Variants in MBNL2 observed in about 807,000 individuals in gnomAD.
MBNL2 encodes the protein muscleblind-like protein 2.
MBNL2 carries 17 observed loss-of-function variants against 41.9 expected under a neutral mutation model. The observed-to-expected ratio is 0.41, with a 90% CI of 0.28 to 0.61. MBNL2 has a LOEUF of 0.61. Ranked by LOEUF, MBNL2 falls within the 20% of genes least tolerant of loss-of-function variation. MBNL2 has a pLI of 0.35. For missense variants in MBNL2, 336 were observed against 505.6 expected (o/e 0.66, Z 3.22); for synonymous variants, 195 against 182.9 (o/e 1.07, Z -0.53).
intron 1 of MBNL2, among the ~76,000 whole-genome samples, chr13:97,228,528 TC>T (rs1272574336): frequency 1.0e-4 from 10 of 95,764 alleles, no homozygotes; most frequent in African/African-American, 4.1e-4. Context: ...ATATTTATTA[TC>T]TTTTTTTTTT....
intron 2 of MBNL2, among the ~76,000 whole-genome samples, chr13:97,296,435 A>T (rs139104001): frequency 1.1e-3 from 162 of 152,302 alleles, no homozygotes; most frequent in African/African-American, 3.5e-3. Flanking sequence ...TGAAAGCTTT[A>T]TCAAGGTGCT....
chr13:97,241,067 T>C (rs962915260), intron 1 of MBNL2, among the ~76,000 whole-genome samples: 1 of 152,228 alleles, frequency 6.6e-6, no homozygotes, highest in Non-Finnish European at 1.5e-5. Flanking sequence ...CGTTCCATTC[T>C]AGCCCTCTGG....
At chr13:97,289,171 G>A (rs1271640753) in intron 2 of MBNL2, among the ~76,000 whole-genome samples, 1 of 149,216 alleles carries the variant, frequency 6.7e-6, no homozygotes, top group Non-Finnish European at 1.5e-5. Context: ...ACTGATGTGG[G>A]TGCTTAGGTA....
rs530689797 is a variant in MBNL2, at chr13:97,390,869, T to C, written c.1049-453T>C. ...AAAATGCAAGTTAATAGATAAATAA[T>C]ATCTGATTATTATAGATTTTGAAAT... On this transcript the variant is annotated intron_variant, in intron 8 of 8. Coordinates refer to ENST00000679496, the MANE Select transcript of MBNL2 (RefSeq NM_001382683.1). Among the ~76,000 whole-genome samples the C allele has an allele frequency of 1.5e-4, 23 of 152,290 alleles. No homozygotes were observed. The East Asian group carries it at 4.0e-3, about 27-fold the overall frequency.
intron 8 of MBNL2, among the ~76,000 whole-genome samples, chr13:97,381,867 T>C (rs1490616178): frequency 4.0e-5 from 6 of 151,868 alleles, no homozygotes; most frequent in Non-Finnish European, 8.8e-5. Context: ...ATGTAACATA[T>C]TGTCTGCATA....
the MBNL2 span, among the ~76,000 whole-genome samples, chr13:97,216,330 C>T: frequency 9.9e-5 from 15 of 151,942 alleles, no homozygotes; most frequent in African/African-American, 3.1e-4. Flanking sequence ...TTGTGGATGA[C>T]GAAAAGTACT....
At chr13:97,252,039 A>G (rs2046655238) in intron 1 of MBNL2, among the ~76,000 whole-genome samples, 1 of 148,358 alleles carries the variant, frequency 6.7e-6, no homozygotes, top group Admixed American at 6.7e-5. Flanking sequence ...TTTAGTAGAG[A>G]CGGGGTTTCA....
intron 8 of MBNL2, among the ~76,000 whole-genome samples, chr13:97,388,335 A>ATATATATATATATATATATATATATC (rs1566457218): frequency 6.7e-6 from 1 of 149,736 alleles, no homozygotes; most frequent in Non-Finnish European, 1.5e-5. Flanking sequence ...ATATATATAT[A>ATATATATATATATATATATATATATC]TCATTGGTAT....
At chr13:97,172,985 G>A in the MBNL2 span, 13 of 152,124 alleles carry the variant, frequency 8.5e-5, no homozygotes, top group African/African-American at 2.9e-4. Context: ...AAATTTCTGG[G>A]TATCATCAAA....
At chr13:97,336,362 A>G (rs2060882962) in intron 3 of MBNL2, among the ~76,000 whole-genome samples, 1 of 152,206 alleles carries the variant, frequency 6.6e-6, no homozygotes, top group Non-Finnish European at 1.5e-5. Flanking sequence ...TGGCTGAATA[A>G]TGGCTCTCGG....
At chr13:97,331,406 G>T (rs1261067236) in intron 2 of MBNL2, among the ~76,000 whole-genome samples, 1 of 152,092 alleles carries the variant, frequency 6.6e-6, no homozygotes, top group Non-Finnish European at 1.5e-5. Context: ...TCCTACCAAC[G>T]GATAGGTCCA....
At position 97,365,151 on chromosome 13, in the gene MBNL2, T is replaced by C. The variant is rs745692680; in HGVS notation, c.1028T>C (p.Met343Thr). 4 of 1,608,388 alleles carry C rather than the reference T, an allele frequency of 2.5e-6. No individual in the cohort carries two copies. Among genetic ancestry groups the C allele is most frequent in the Non-Finnish European group, 3.4e-6 (4 of 1,174,762 alleles). The stretch of plus-strand genomic sequence containing the variant: ...ATGACATCAGGGTCAGTTTTGTGCA[T>C]GACACCCGCTACCAGTATTGGTAGG... ...AFIPTGSVLC[M>T]TPATSIDNSE... Residue 343 changes from methionine to threonine, a missense_variant, in exon 8 of 9, where the codon ATG (methionine) becomes ACG (threonine). By Grantham distance (81) the Met-to-Thr change is moderately conservative. Transcript: ENST00000679496.
the MBNL2 span, among the ~76,000 whole-genome samples, chr13:97,166,832 AT>A: frequency 1.3e-3 from 204 of 151,302 alleles, no homozygotes; most frequent in African/African-American, 3.0e-3. Context: ...AGATAGATAG[AT>A]AGATAGAAAG....
intron 1 of MBNL2, among the ~76,000 whole-genome samples, chr13:97,227,041 A>T (rs867758336): frequency 6.2e-5 from 1 of 16,224 alleles, no homozygotes; most frequent in African/African-American, 3.7e-4. Context: ...GCAGAGTTAC[A>T]AAAAAAAAAA....
intron 1 of MBNL2, among the ~76,000 whole-genome samples, chr13:97,244,076 T>A (rs939059450): frequency 6.6e-6 from 1 of 152,188 alleles, no homozygotes; most frequent in Non-Finnish European, 1.5e-5. Flanking sequence ...AAAAAACAGA[T>A]TCATCTCATG....
chr13:97,290,942 A>G (rs2055819570), intron 2 of MBNL2, among the ~76,000 whole-genome samples: 1 of 152,162 alleles, frequency 6.6e-6, no homozygotes, highest in South Asian at 2.1e-4. Flanking sequence ...CTGGAGATGA[A>G]TGCGTTTTGC....
chr13:97,306,219 A>G (rs963915408), intron 2 of MBNL2, among the ~76,000 whole-genome samples: 1 of 152,220 alleles, frequency 6.6e-6, no homozygotes, highest in African/African-American at 2.4e-5. Context: ...AGTCTTCCTC[A>G]CCACCACCTC....
At chr13:97,144,867 G>A in the MBNL2 span, among the ~76,000 whole-genome samples, 1 of 152,212 alleles carries the variant, frequency 6.6e-6, no homozygotes, top group Non-Finnish European at 1.5e-5. Flanking sequence ...AACATTAGAA[G>A]CAAAGTATTC....
At chr13:97,169,067 A>G in the MBNL2 span, among the ~76,000 whole-genome samples, 2 of 152,070 alleles carry the variant, frequency 1.3e-5, no homozygotes, top group African/African-American at 4.8e-5. Flanking sequence ...ATGGCTTCTC[A>G]TTTCTGGATT....
Sources: gnomAD v4.1 joint callset for allele counts (sites outside exome capture counted in the v4.1 genomes callset) on GRCh38, gnomAD v4.1.1 for gene constraint, MANE v1.5 for transcripts, NCBI Gene and HGNC (gene_info 2026-07-23, HGNC 2026-07-21) for gene names.